Variants in TMEM183A observed in about 807,000 individuals in gnomAD.
TMEM183A encodes transmembrane protein 183A, also known as chromosome 1 open reading frame 37.
A neutral mutation model predicts 46.7 loss-of-function variants in TMEM183A; 21 were observed. That is an observed-to-expected ratio of 0.45 (90% CI 0.32 to 0.65). The LOEUF is 0.65. Ranked by LOEUF, TMEM183A falls within the 30% of genes least tolerant of loss-of-function variation. TMEM183A has a pLI of 0.04. For missense variants in TMEM183A, 331 were observed against 481.9 expected (o/e 0.69, Z 2.93); for synonymous variants, 165 against 180.2 (o/e 0.92, Z 0.68).
At chr1:203,010,683 G>A (rs1057186747) in intron 3 of TMEM183A, among the ~76,000 whole-genome samples, 4 of 152,158 alleles carry the variant, frequency 2.6e-5, no homozygotes, top group African/African-American at 9.7e-5. Context: ...TTGTTCCACA[G>A]AATGGCTTTG....
At position 203,007,829 on chromosome 1, in the gene TMEM183A, C is replaced by T. The variant is rs1462732578; in HGVS notation, c.165C>T (p.Val55=). 1.2e-6 allele frequency: 2 copies of T among 1,613,874 alleles called. No homozygotes were observed. The highest frequency in any genetic ancestry group is 2.2e-5 in the East Asian group (1 of 44,894). ...CGGCGGTCGTGAGGTCTGGACGAGT[C>T]AAGAAAGCCGTAGCCAACGCTGTTC... The part of the protein sequence containing the change: ...SDPAVVRSGR[V]KKAVANAVQQ... Residue 55 remains valine, a synonymous_variant, in exon 2 of 8, where the codon GTC becomes GTT. Coordinates refer to ENST00000367242, the MANE Select transcript of TMEM183A (RefSeq NM_138391.6).
At chr1:203,017,740 CT>C (rs200490439) in intron 5 of TMEM183A, 14 of 985,570 alleles carry the variant, frequency 1.4e-5, no homozygotes, top group South Asian at 4.7e-5. Context: ...TTGATTCCCC[CT>C]CTCTCTCTTT....
At chr1:203,022,716 AAAG>A (rs1164314807) in intron 7 of TMEM183A, 136 bp from the exon 8 acceptor site, 1 of 1,273,660 alleles carries the variant, frequency 7.9e-7, no homozygotes, top group Non-Finnish European at 1.1e-6. Context: ...AAAAAAAAAA[AAAG>A]GTGTTTGTTT....
intron 6 of TMEM183A, among the ~76,000 whole-genome samples, chr1:203,019,364 A>T (rs1657454632): frequency 6.6e-6 from 1 of 152,222 alleles, no homozygotes; most frequent in Admixed American, 6.5e-5. Flanking sequence ...TGGATCCTGG[A>T]TAAGAGAACA....
At chr1:203,022,722 G>T in intron 7 of TMEM183A, 133 bp from the exon 8 acceptor site, 6 of 1,240,400 alleles carry the variant, frequency 4.8e-6, no homozygotes, top group Non-Finnish European at 6.7e-6. Flanking sequence ...AAAAAAAGGT[G>T]TTTGTTTTAT....
chr1:203,016,312 T>C (rs1391188149), intron 5 of TMEM183A, 172 bp downstream of exon 5: 2 of 891,330 alleles, frequency 2.2e-6, no homozygotes, highest in African/African-American at 3.4e-5. Context: ...CTTTCTGCTG[T>C]GCTGGCTGGC....
intron 3 of TMEM183A, among the ~76,000 whole-genome samples, chr1:203,010,912 A>T (rs974884008): frequency 2.0e-5 from 3 of 152,196 alleles, no homozygotes; most frequent in Non-Finnish European, 4.4e-5. Context: ...CTACAGACTT[A>T]CCTATTCTGA....
rs907697184 is a variant in TMEM183A at position 203,007,452 on chromosome 1, C to T, written c.-14C>T. On this transcript the variant is annotated 5_prime_UTR_variant, in exon 1 of 8. Coordinates refer to ENST00000367242, the MANE Select transcript of TMEM183A (RefSeq NM_138391.6). ...TGGCTTGCGGCTCCCGGGGCCGGCT[C>T]TCCGGCCGGAGACATGGCCCGGGGG... 16 of 1,418,424 alleles carry T rather than the reference C, an allele frequency of 1.1e-5. No individual in the cohort carries two copies. Among genetic ancestry groups the T allele is most frequent in the Admixed American group, 5.4e-5 (2 of 36,804 alleles). The allele number at this position is 1,418,424 out of a possible 1,614,324, so 87.9% of individuals were successfully genotyped here.
chr1:203,023,526 G>C lies in TMEM183A; in HGVS notation c.*486G>C, dbSNP rs914241993. On this transcript the variant is annotated 3_prime_UTR_variant, in exon 8 of 8. Coordinates refer to ENST00000367242, the MANE Select transcript of TMEM183A (RefSeq NM_138391.6). ...CTCCAGAAATAAAGCAGGTGACAGG[G>C]TTTTCAGAATCTTACCATATTGACT... The C allele has an allele frequency of 3.3e-5, 5 of 152,806 alleles. No individual in the cohort carries two copies. The highest frequency in any genetic ancestry group is 1.2e-4 in the African/African-American group (5 of 41,424). The allele number at this position is 152,806 out of a possible 1,614,324, so 9.5% of individuals were successfully genotyped here.
intron 3 of TMEM183A, among the ~76,000 whole-genome samples, chr1:203,009,684 A>G (rs889529510): frequency 6.6e-6 from 1 of 152,052 alleles, no homozygotes; most frequent in African/African-American, 2.4e-5. Flanking sequence ...GGGTCTCACT[A>G]TGTTGCCTAG....
In TMEM183A at chr1:203,023,098, C is replaced by A; in HGVS notation, c.*58C>A. On this transcript the variant is annotated 3_prime_UTR_variant, in exon 8 of 8. Coordinates refer to ENST00000367242, the MANE Select transcript of TMEM183A (RefSeq NM_138391.6). ...AGTGTAGTCCATTAGTAATCAGATT[C>A]CAGTTTGGACAGGGTGGCTGGATTG... is the stretch of plus-strand genomic sequence containing the variant. The A allele has an allele frequency of 4.0e-6, 4 of 997,496 alleles. No homozygotes were observed. The highest frequency in any genetic ancestry group is 5.8e-6 in the Non-Finnish European group (4 of 684,178). The allele number at this position is 997,496 out of a possible 1,614,324, so 61.8% of individuals were successfully genotyped here. A position where few individuals can be genotyped will look rare whatever the true frequency, so the allele number is the denominator to read the frequency against.
chr1:203,018,440 T>G, intron 5 of TMEM183A, 41 bp from the exon 6 acceptor site: 1 of 1,576,168 alleles, frequency 6.3e-7, no homozygotes, highest in South Asian at 1.2e-5. Context: ...ATTTTTTTCT[T>G]TTTCTTTTTC....
intron 4 of TMEM183A, 48 bp from the exon 5 acceptor site, chr1:203,015,912 C>T (rs1326568820): frequency 3.8e-6 from 6 of 1,589,990 alleles, no homozygotes; most frequent in Non-Finnish European, 5.1e-6. Flanking sequence ...TGACCTAGAG[C>T]AGGAGAGACA....
chr1:203,021,246 T>C (rs1279172397), intron 7 of TMEM183A, among the ~76,000 whole-genome samples: 1 of 152,154 alleles, frequency 6.6e-6, no homozygotes, highest in African/African-American at 2.4e-5. Flanking sequence ...TGCTGAGGCT[T>C]GTCTCAGACT....
chr1:203,007,465 C>T lies in TMEM183A; in HGVS notation c.-1C>T, dbSNP rs1656045829. 6.9e-7 allele frequency: 1 copy of T among 1,443,546 alleles called. No homozygotes were observed. The highest frequency in any genetic ancestry group is 9.1e-7 in the Non-Finnish European group (1 of 1,094,820). The allele number at this position is 1,443,546 out of a possible 1,614,324, so 89.4% of individuals were successfully genotyped here. A position where few individuals can be genotyped will look rare whatever the true frequency, so the allele number is the denominator to read the frequency against. On this transcript the variant is annotated 5_prime_UTR_variant, in exon 1 of 8. Transcript: ENST00000367242. ...CCGGGGCCGGCTCTCCGGCCGGAGACATGGCCCGGGGGCCCGGCCCGCTAG... is the reference window on the plus strand; with the variant it reads ...CCGGGGCCGGCTCTCCGGCCGGAGATATGGCCCGGGGGCCCGGCCCGCTAG...
chr1:203,022,906 T>A lies in TMEM183A; in HGVS notation c.997T>A (p.Phe333Ile). 7 of 1,613,526 alleles carry A rather than the reference T, an allele frequency of 4.3e-6. No individual in the cohort carries two copies. Among genetic ancestry groups the A allele is most frequent in the Non-Finnish European group, 5.9e-6 (7 of 1,179,774 alleles). Reference sequence around the variant, plus strand: ...GCGGCATCATCGAGTGAGACTGGTGTTCCAAGATTCCCCTGTCCATGGTGG... The same window carrying A: ...GCGGCATCATCGAGTGAGACTGGTGATCCAAGATTCCCCTGTCCATGGTGG... Reference protein sequence around the residue: ...DMRHHRVRLVFQDSPVHGGRK... With the variant: ...DMRHHRVRLVIQDSPVHGGRK... Residue 333 changes from phenylalanine to isoleucine, a missense_variant, in exon 8 of 8, where the codon TTC becomes ATC. By Grantham distance (21) the Phe-to-Ile change is conservative. This residue lies in a region of TMEM183A where 233 missense variants were observed against 385.8 expected (regional missense o/e 0.60). Transcript: ENST00000367242.
In TMEM183A at chr1:203,013,361, A is replaced by G. The variant is rs1013645434; in HGVS notation, c.368-1528A>G. Among the ~76,000 whole-genome samples the G allele has an allele frequency of 1.3e-5, 2 of 152,160 alleles. No homozygotes were observed. Among genetic ancestry groups the G allele is most frequent in the Admixed American group, 6.5e-5 (1 of 15,280 alleles). On this transcript the variant is annotated intron_variant, in intron 3 of 7. Transcript: ENST00000367242. This position sits in a 1 kb window ranked among gnomAD's most constrained non-coding sequence, Gnocchi z 4.0. ...ATGACTAGGTTTGAAATAAGGGTTA[A>G]GGTTAGGATTAGCTCAGATTCAGGT...
At chr1:203,022,759 G>T in intron 7 of TMEM183A, 96 bp from the exon 8 acceptor site, 1 of 1,511,586 alleles carries the variant, frequency 6.6e-7, no homozygotes, top group South Asian at 1.2e-5. Flanking sequence ...TTGTGGCCTA[G>T]CCAGTATAAA....
At chr1:203,012,820 C>T (rs1656793614) in intron 3 of TMEM183A, among the ~76,000 whole-genome samples, 1 of 152,186 alleles carries the variant, frequency 6.6e-6, no homozygotes, top group Admixed American at 6.5e-5. Flanking sequence ...GCCTCGACAT[C>T]CTGGGCTTGA....
Sources: allele counts gnomAD v4.1 joint callset (sites outside exome capture counted in the v4.1 genomes callset), GRCh38; gene constraint gnomAD v4.1.1; regional missense constraint gnomAD v4.1.1; non-coding constraint Gnocchi (gnomAD v3.1); transcripts MANE v1.5; gene names NCBI Gene and HGNC (gene_info 2026-07-23, HGNC 2026-07-21).